ITPK1: variants seen among roughly 807,000 people sequenced by gnomAD.
The protein encoded by ITPK1 is inositol 1,3,4-trisphosphate 5/6-kinase.
A neutral mutation model predicts 45.3 loss-of-function variants in ITPK1; 21 were observed. That is an observed-to-expected ratio of 0.46 (90% CI 0.33 to 0.67). The LOEUF is 0.67. Among genes scored for constraint, ITPK1 ranks in the 30% least tolerant of loss-of-function variants. The pLI, the probability that ITPK1 is intolerant of heterozygous loss-of-function variation, is 0.02. For synonymous variants in ITPK1, 258 were observed against 253.6 expected (o/e 1.02, Z -0.16); for missense variants, 474 against 573.5 (o/e 0.83, Z 1.77).
At chr14:92,979,805 T>G (rs1269475985) in intron 5 of ITPK1, among the ~76,000 whole-genome samples, 1 of 151,770 alleles carries the variant, frequency 6.6e-6, no homozygotes, top group Non-Finnish European at 1.5e-5. Context: ...CTCAGGTAGG[T>G]TTTTTTTAAT....
chr14:92,979,888 C>A (rs1483506552), intron 5 of ITPK1, among the ~76,000 whole-genome samples: 1 of 151,734 alleles, frequency 6.6e-6, no homozygotes, highest in African/African-American at 2.4e-5. Context: ...TCTCAGCTCA[C>A]TGCAGCCTCA....
At chr14:92,973,974 G>A (rs771851219) in intron 5 of ITPK1, among the ~76,000 whole-genome samples, 1 of 152,190 alleles carries the variant, frequency 6.6e-6, no homozygotes, top group Non-Finnish European at 1.5e-5. Context: ...CGCAGGCAGG[G>A]CCCCTCCATG....
intron 7 of ITPK1, among the ~76,000 whole-genome samples, chr14:92,960,149 C>T (rs1422707153): frequency 6.6e-6 from 1 of 152,202 alleles, no homozygotes; most frequent in Non-Finnish European, 1.5e-5. Flanking sequence ...TGGTGGCACA[C>T]CTTGCCGGCA....
At chr14:93,072,383 T>C (rs1053710065) in intron 3 of ITPK1, among the ~76,000 whole-genome samples, 2 of 152,184 alleles carry the variant, frequency 1.3e-5, no homozygotes, top group Non-Finnish European at 2.9e-5. Flanking sequence ...TGGGAATTTT[T>C]TGAAAAATTA....
chr14:93,002,576 T>C (rs1014714612), intron 4 of ITPK1, among the ~76,000 whole-genome samples: 2 of 152,158 alleles, frequency 1.3e-5, no homozygotes, highest in South Asian at 4.1e-4. Context: ...GCCTTTCTCA[T>C]GTTCACTACC....
intron 3 of ITPK1, chr14:93,071,633 G>A (rs927023725): frequency 6.6e-6 from 1 of 151,944 alleles, no homozygotes; most frequent in Non-Finnish European, 1.5e-5. Context: ...TAAATACCAC[G>A]GCGATTAGAG....
intron 2 of ITPK1, among the ~76,000 whole-genome samples, chr14:93,112,437 A>AT (rs34131872): frequency 0.035 from 4,272 of 122,632 alleles, 109 homozygotes; most frequent in Admixed American, 0.082. Flanking sequence ...GAGCAGGGCC[A>AT]TTTTTTTTTT....
intron 2 of ITPK1, among the ~76,000 whole-genome samples, chr14:93,088,478 C>T (rs762411424): frequency 6.6e-6 from 1 of 151,624 alleles, no homozygotes; most frequent in African/African-American, 2.4e-5. Flanking sequence ...TACTTGGCCA[C>T]CCAAGTAGCT....
intron 2 of ITPK1, among the ~76,000 whole-genome samples, chr14:93,095,601 CA>C (rs200880091): frequency 0.017 from 2,473 of 145,430 alleles, 32 homozygotes; most frequent in Non-Finnish European, 0.027. Flanking sequence ...TTAATAAATT[CA>C]ACTTTTATCT....
chr14:93,115,220 G>A lies in ITPK1; in HGVS notation c.-57C>T, dbSNP rs1176058111. On this transcript the variant is annotated 5_prime_UTR_variant, in exon 2 of 11. Coordinates refer to ENST00000267615, the MANE Select transcript of ITPK1 (RefSeq NM_014216.6). ...AGGAAATCGCCCACAGGCCGAGTCT[G>A]GCGGCCGGCGCGCGCCGCGAGCGAG... The A allele has an allele frequency of 5.5e-6, 7 of 1,282,610 alleles. No homozygotes were observed. Among genetic ancestry groups the A allele is most frequent in the Admixed American group, 4.0e-5 (2 of 49,710 alleles). The allele number at this position is 1,282,610 out of a possible 1,614,324, so 79.5% of individuals were successfully genotyped here.
intron 5 of ITPK1, among the ~76,000 whole-genome samples, chr14:92,970,836 C>T (rs182808074): frequency 6.6e-6 from 1 of 152,060 alleles, no homozygotes; most frequent in Non-Finnish European, 1.5e-5. Flanking sequence ...GGGGTTTCAC[C>T]GTGTTAGCCA....
At chr14:93,104,549 G>A (rs111956041) in intron 2 of ITPK1, among the ~76,000 whole-genome samples, 19 of 152,220 alleles carry the variant, frequency 1.2e-4, no homozygotes, top group East Asian at 5.8e-4. Context: ...GCAACCTGGC[G>A]GAGTGGAAAC....
intron 9 of ITPK1, among the ~76,000 whole-genome samples, chr14:92,948,145 G>A (rs539068542): frequency 2.6e-5 from 4 of 152,190 alleles, no homozygotes; most frequent in African/African-American, 7.2e-5. Context: ...GACAGGTAAC[G>A]CCACAGAGAC....
At chr14:92,993,616 T>A (rs1476323735) in intron 5 of ITPK1, among the ~76,000 whole-genome samples, 1 of 152,210 alleles carries the variant, frequency 6.6e-6, no homozygotes, top group African/African-American at 2.4e-5. Context: ...GACACTTCAA[T>A]GTCACCCATG....
intron 2 of ITPK1, among the ~76,000 whole-genome samples, chr14:93,095,531 C>CAGATAGG (rs1892041141): frequency 7.3e-6 from 1 of 137,518 alleles, no homozygotes; most frequent in African/African-American, 3.0e-5. Context: ...CTTATCAGCA[C>CAGATAGG]CACCCAAAGC....
intron 4 of ITPK1, 76 bp from the exon 5 acceptor site, chr14:92,994,073 C>T (rs572460751): frequency 1.5e-4 from 132 of 886,778 alleles, no homozygotes; most frequent in African/African-American, 1.4e-3. Flanking sequence ...GCCCTCTGCA[C>T]GTCCATCCGT....
intron 1 of ITPK1, among the ~76,000 whole-genome samples, chr14:93,115,519 C>T (rs1892914823): frequency 6.7e-6 from 1 of 150,016 alleles, no homozygotes; most frequent in African/African-American, 2.4e-5. Context: ...TGAGTCGGAG[C>T]TGGGGCCAGG....
chr14:93,047,107 A>AG lies in ITPK1; in HGVS notation c.120+29487dup, dbSNP rs544448745. ...TCCGGACTGGAAAGCTGGGGCCCTCAGGCCAAGCCGGGCTGCTGGTGAACC... is the reference window on the plus strand; with the variant it reads ...TCCGGACTGGAAAGCTGGGGCCCTCAGGGCCAAGCCGGGCTGCTGGTGAACC... On this transcript the variant is annotated intron_variant, in intron 3 of 10. Coordinates refer to ENST00000267615, the MANE Select transcript of ITPK1 (RefSeq NM_014216.6). 1.6e-4 allele frequency among the ~76,000 whole-genome samples: 25 copies of AG among 152,382 alleles called. No individual in the cohort carries two copies. In the South Asian group the frequency reaches 4.8e-3, roughly 29 times the overall value.
At chr14:93,105,102 C>T (rs989891379) in intron 2 of ITPK1, among the ~76,000 whole-genome samples, 2 of 152,210 alleles carry the variant, frequency 1.3e-5, no homozygotes, top group African/African-American at 2.4e-5. Context: ...GCAGGTAGAA[C>T]TGGGCTGGGC....
Sources: allele counts gnomAD v4.1 joint callset (sites outside exome capture counted in the v4.1 genomes callset), GRCh38; gene constraint gnomAD v4.1.1; transcripts MANE v1.5; gene names NCBI Gene and HGNC (gene_info 2026-07-23, HGNC 2026-07-21).